SLC11A2: variants seen among roughly 807,000 people sequenced by gnomAD.
SLC11A2 encodes the protein solute carrier family 11 member 2.
SLC11A2 carries 38 observed loss-of-function variants against 68.0 expected under a neutral mutation model. The observed-to-expected ratio is 0.56, with a 90% confidence interval of 0.43 to 0.73. The LOEUF is 0.73. SLC11A2 is among the 30% of genes least tolerant of loss of function. The pLI is 0.00. For synonymous variants in SLC11A2, 242 were observed against 250.6 expected (o/e 0.97, Z 0.32); for missense variants, 517 against 690.5 (o/e 0.75, Z 2.82).
In SLC11A2 at chr12:51,004,890, C is replaced by T; in HGVS notation, c.327G>A (p.Leu109=). The part of the protein sequence containing the change: ...VAGFKLLWIL[L]LATLVGLLLQ... ...GCAGCAGCCCCACAAGGGTGGCCAA[C>T]AGAAGGATCCAGAGCAACTAAGAAG... is the stretch of plus-strand genomic sequence containing the variant. Residue 109 remains leucine (L), a synonymous_variant, in exon 5 of 16, where the codon CTG becomes CTA. Transcript: ENST00000262052. The T allele has an allele frequency of 1.2e-6, 2 of 1,614,130 alleles. No homozygotes were observed. The highest frequency in any genetic ancestry group is 1.7e-6 in the Non-Finnish European group (2 of 1,180,010).
rs377064293 is a variant in SLC11A2 at position 51,008,530 on chromosome 12, T to C, written c.129A>G (p.Ser43=). Residue 43 remains serine (S), a synonymous_variant, in exon 3 of 16, where the codon TCA becomes TCG. Coordinates refer to ENST00000262052, the MANE Select transcript of SLC11A2 (RefSeq NM_000617.3). ...NPSLSQSPGD[S]EEYFATYFNE... is the part of the protein sequence containing the mutation. ...TAAAGTAAGTGGCGAAGTACTCCTC[T>C]GAGTCCCCAGGGGACTGTGAAAGAG... The C allele has an allele frequency of 3.4e-5, 55 of 1,612,708 alleles. No homozygotes were observed. Among genetic ancestry groups the C allele is most frequent in the Non-Finnish European group, 4.2e-5 (50 of 1,178,882 alleles).
chr12:50,988,206 A>G lies in SLC11A2; in HGVS notation c.*119T>C. 6.4e-7 allele frequency: 1 copy of G among 1,570,474 alleles called. No homozygotes were observed. ...CATGAAACAAAGTCTTTTCCAACCA[A>G]CGGTTGAGTCATAAACACAGTCTGT... On this transcript the variant is annotated 3_prime_UTR_variant, in exon 16 of 16. Transcript: ENST00000262052.
chr12:50,970,412 C>A, the SLC11A2 span: 2 of 1,106,044 alleles, frequency 1.8e-6, no homozygotes, highest in Non-Finnish European at 2.7e-6. Flanking sequence ...CCCATGGATA[C>A]TCAATTGATA....
At chr12:50,958,527 C>T in the SLC11A2 span, among the ~76,000 whole-genome samples, 23 of 150,102 alleles carry the variant, frequency 1.5e-4, no homozygotes, top group Non-Finnish European at 1.6e-4. Context: ...GTGATCCGCC[C>T]GCCTCGGCCT....
chr12:51,019,568 T>C (rs1422881378), intron 1 of SLC11A2, among the ~76,000 whole-genome samples: 2 of 152,120 alleles, frequency 1.3e-5, no homozygotes, highest in Non-Finnish European at 2.9e-5. Context: ...TAAGAGATTA[T>C]TACTCTCCCT....
chr12:50,986,534 G>A lies in SLC11A2; in HGVS notation c.*1791C>T. 1 of 1,287,018 alleles carries A rather than the reference G, an allele frequency of 7.8e-7. No individual in the cohort carries two copies. The highest frequency in any genetic ancestry group is 1.5e-5 in the African/African-American group (1 of 65,854). 79.7% of individuals were successfully genotyped at this position (1,287,018 alleles called of 1,614,324 possible). A position where few individuals can be genotyped will look rare whatever the true frequency, so the allele number is the denominator to read the frequency against. On this transcript the variant is annotated 3_prime_UTR_variant, in exon 16 of 16. Coordinates refer to ENST00000262052, the MANE Select transcript of SLC11A2 (RefSeq NM_000617.3). ...GACTGACTGGACCCACCCAGACCCA[G>A]GGCAAAGATACATGTTACCATATCA...
At chr12:51,023,608 G>A (rs1187007813) in intron 1 of SLC11A2, among the ~76,000 whole-genome samples, 2 of 152,056 alleles carry the variant, frequency 1.3e-5, no homozygotes, top group Non-Finnish European at 2.9e-5. Flanking sequence ...GACAATATTA[G>A]GGCAGCAGAC....
At position 50,992,295 on chromosome 12, in the gene SLC11A2, C is replaced by T; in HGVS notation, c.1242G>A (p.Leu414=). 6.2e-7 allele frequency: 1 copy of T among 1,614,054 alleles called. No individual in the cohort carries two copies. The highest frequency in any genetic ancestry group is 8.5e-7 in the Non-Finnish European group (1 of 1,179,958). Residue 414 remains leucine (L), a synonymous_variant, in exon 13 of 16, where the codon CTG becomes CTA. Transcript: ENST00000262052. ...TGGGGATGATGGCAATAGAGCGAGTCAGAACCACTCGGGCAAAGCGTGACC... is the reference window on the plus strand; with the variant it reads ...TGGGGATGATGGCAATAGAGCGAGTTAGAACCACTCGGGCAAAGCGTGACC... ...LKWSRFARVV[L]TRSIAIIPTL...
chr12:50,978,987 C>T (rs1939892106), downstream of SLC11A2, among the ~76,000 whole-genome samples: 1 of 152,154 alleles, frequency 6.6e-6, no homozygotes, highest in Non-Finnish European at 1.5e-5. Context: ...TAGGTAATTG[C>T]ACTTTTTCTG....
the SLC11A2 span, among the ~76,000 whole-genome samples, chr12:50,971,518 C>T: frequency 6.6e-6 from 1 of 152,144 alleles, no homozygotes; most frequent in Admixed American, 6.5e-5. Context: ...AGTGCTAATG[C>T]TAATGTGGTA....
chr12:50,959,958 G>A, the SLC11A2 span, among the ~76,000 whole-genome samples: 14,627 of 152,170 alleles, frequency 0.096, 1,075 homozygotes, highest in African/African-American at 0.2. Context: ...CCCAGTATCT[G>A]TTATCTGGCT....
intron 2 of SLC11A2, chr12:51,009,299 C>A: frequency 7.8e-7 from 1 of 1,285,332 alleles, no homozygotes; most frequent in African/African-American, 1.5e-5. Context: ...CTGGCACCCT[C>A]GTGATGGCAG....
At chr12:51,023,057 A>G (rs1266497250) in intron 1 of SLC11A2, among the ~76,000 whole-genome samples, 1 of 152,248 alleles carries the variant, frequency 6.6e-6, no homozygotes, top group Non-Finnish European at 1.5e-5. Flanking sequence ...TATTGTATCT[A>G]GAATATTCCT....
At chr12:50,952,397 G>A in the SLC11A2 span, among the ~76,000 whole-genome samples, 209 of 152,204 alleles carry the variant, frequency 1.4e-3, no homozygotes, top group Non-Finnish European at 2.1e-3. Context: ...AAGTTACAAG[G>A]GAAAAACCAT....
At chr12:51,028,028 G>A, upstream of SLC11A2, 4 of 471,134 alleles carry the variant, frequency 8.5e-6, no homozygotes, top group Middle Eastern at 1.1e-3. Flanking sequence ...CAGTACATCT[G>A]TGGAGTTTCA....
chr12:50,964,592 G>C, the SLC11A2 span, among the ~76,000 whole-genome samples: 1 of 152,238 alleles, frequency 6.6e-6, no homozygotes, highest in Non-Finnish European at 1.5e-5. Context: ...CGGCTGGAGA[G>C]TTCACACAGC....
Position 50,986,045 on chromosome 12 carries a change from G to A in SLC11A2, c.*2280C>T. ...AAACCAAGTTTACATACGGTTAAATGGTTACTAAAAGCTCAGTTGTAACCA... is the reference window on the plus strand; with the variant it reads ...AAACCAAGTTTACATACGGTTAAATAGTTACTAAAAGCTCAGTTGTAACCA... On this transcript the variant is annotated 3_prime_UTR_variant, in exon 16 of 16. Coordinates refer to ENST00000262052, the MANE Select transcript of SLC11A2 (RefSeq NM_000617.3). 1 of 1,225,640 alleles carries A rather than the reference G, an allele frequency of 8.2e-7. No homozygotes were observed. Among genetic ancestry groups the A allele is most frequent in the African/African-American group, 1.6e-5 (1 of 63,336 alleles). 75.9% of individuals were successfully genotyped at this position (1,225,640 alleles called of 1,614,324 possible).
downstream of SLC11A2, among the ~76,000 whole-genome samples, chr12:50,982,421 C>T (rs984732466): frequency 6.6e-6 from 1 of 151,830 alleles, no homozygotes; most frequent in African/African-American, 2.4e-5. Context: ...GTCAGGAGAT[C>T]GAGACCATCC....
chr12:50,988,038 T>C lies in SLC11A2; in HGVS notation c.*287A>G. On this transcript the variant is annotated 3_prime_UTR_variant, in exon 16 of 16. Coordinates refer to ENST00000262052, the MANE Select transcript of SLC11A2 (RefSeq NM_000617.3). Reference sequence around the variant, plus strand: ...TGCATATCCTTGTCTCTCCGAAGGATAAACTGAGCTGGCCCTTGGGCAACT... The same window carrying C: ...TGCATATCCTTGTCTCTCCGAAGGACAAACTGAGCTGGCCCTTGGGCAACT... 7.2e-7 allele frequency: 1 copy of C among 1,381,294 alleles called. No individual in the cohort carries two copies. Among genetic ancestry groups the C allele is most frequent in the Non-Finnish European group, 9.5e-7 (1 of 1,050,192 alleles). 85.6% of individuals were successfully genotyped at this position (1,381,294 alleles called of 1,614,324 possible). A position where few individuals can be genotyped will look rare whatever the true frequency, so the allele number is the denominator to read the frequency against.
Sources: allele counts gnomAD v4.1 joint callset (sites outside exome capture counted in the v4.1 genomes callset), GRCh38; gene constraint gnomAD v4.1.1; transcripts MANE v1.5; gene names NCBI Gene and HGNC (gene_info 2026-07-23, HGNC 2026-07-21).